The following NFAT5 variants were observed in gnomAD, a reference collection of about 807,000 sequenced individuals.
The protein encoded by NFAT5 is nuclear factor of activated T cells 5, also known as nuclear factor of activated T-cells 5.
Under a neutral mutation model 166.5 loss-of-function variants are expected in NFAT5, and 31 were observed. That is an observed-to-expected ratio of 0.19 (90% CI 0.14 to 0.25). The LOEUF (loss-of-function observed/expected upper bound fraction) is 0.25, where lower values mean the gene tolerates loss of function less well. Ranked by LOEUF, NFAT5 falls within the 10% of genes least tolerant of loss-of-function variation. The pLI is 1.00. For synonymous variants in NFAT5, 612 were observed against 639.7 expected, an observed-to-expected ratio of 0.96 and a Z score of 0.65; for missense variants, 1,449 against 1,821.8, an observed-to-expected ratio of 0.80 and a Z score of 3.72.
chr16:69,637,327 T>C (rs2035010791), intron 3 of NFAT5, among the ~76,000 whole-genome samples: 1 of 152,192 alleles, frequency 6.6e-6, no homozygotes, highest in Admixed American at 6.5e-5. Flanking sequence ...TCCAAACTGT[T>C]CCAAACTCTG....
At chr16:69,585,936 T>C (rs1241386368) in intron 2 of NFAT5, among the ~76,000 whole-genome samples, 4 of 152,176 alleles carry the variant, frequency 2.6e-5, no homozygotes, top group African/African-American at 9.7e-5. Context: ...TGAATAATGG[T>C]AATGGTTGCA....
intron 7 of NFAT5, among the ~76,000 whole-genome samples, chr16:69,663,453 A>G (rs1213232497): frequency 6.6e-6 from 1 of 151,748 alleles, no homozygotes; most frequent in Non-Finnish European, 1.5e-5. Flanking sequence ...ATTAATTTTC[A>G]GCTAGGTGCA....
In NFAT5 at chr16:69,690,935, T is replaced by A; in HGVS notation, c.1775-5T>A. On this transcript the variant is annotated splice_polypyrimidine_tract_variant and splice_region_variant and intron_variant, in intron 11 of 14. Transcript: ENST00000349945. ...ACTTTTCTTTTTGTGTGTGTGTATA[T>A]GCAGCAATGAAAACTACTGGATGTA... 6.6e-7 allele frequency: 1 copy of A among 1,526,040 alleles called. No individual in the cohort carries two copies. Among genetic ancestry groups the A allele is most frequent in the East Asian group, 2.4e-5 (1 of 41,896 alleles). The allele number at this position is 1,526,040 out of a possible 1,614,324, so 94.5% of individuals were successfully genotyped here. A position where few individuals can be genotyped will look rare whatever the true frequency, so the allele number is the denominator to read the frequency against.
chr16:69,599,655 A>G (rs529239687), intron 2 of NFAT5, among the ~76,000 whole-genome samples: 1 of 152,200 alleles, frequency 6.6e-6, no homozygotes, highest in Non-Finnish European at 1.5e-5. Flanking sequence ...TATTTTGTAG[A>G]GCATGATCAT....
At chr16:69,684,739 G>A (rs1302925047) in intron 10 of NFAT5, 148 bp from the exon 11 acceptor site, 2 of 568,884 alleles carry the variant, frequency 3.5e-6, no homozygotes, top group Non-Finnish European at 6.1e-6. Context: ...GGAGAATTTA[G>A]AGGATAGAAA....
intron 3 of NFAT5, among the ~76,000 whole-genome samples, chr16:69,644,381 A>G (rs1013893101): frequency 6.6e-6 from 1 of 152,036 alleles, no homozygotes; most frequent in African/African-American, 2.4e-5. Flanking sequence ...AAAAAGTAAT[A>G]TTTTTCTATT....
At position 69,700,689 on chromosome 16, in the gene NFAT5, C is replaced by G. The variant is rs941599097; in HGVS notation, c.*4338C>G. 2 of 152,224 alleles carry G rather than the reference C, an allele frequency of 1.3e-5. No individual in the cohort carries two copies. The highest frequency in any genetic ancestry group is 4.8e-5 in the African/African-American group (2 of 41,556). The allele number at this position is 152,224 out of a possible 1,614,324, so 9.4% of individuals were successfully genotyped here. On this transcript the variant is annotated 3_prime_UTR_variant, in exon 15 of 15. Coordinates refer to ENST00000349945, the MANE Select transcript of NFAT5 (RefSeq NM_138713.4). ...TTTTATCCCTAACCGAGACAGCTGT[C>G]TTATATCTGCATGCCTTAGACTGTG...
chr16:69,577,559 T>C (rs2016828739), intron 2 of NFAT5, among the ~76,000 whole-genome samples: 2 of 152,156 alleles, frequency 1.3e-5, no homozygotes, highest in South Asian at 2.1e-4. Context: ...ACGCACTGTA[T>C]AGACCCATTT....
At chr16:69,682,267 A>G (rs1039866197) in intron 10 of NFAT5, among the ~76,000 whole-genome samples, 3 of 151,136 alleles carry the variant, frequency 2.0e-5, no homozygotes, top group South Asian at 4.2e-4. Context: ...GGTGATTTCT[A>G]TAAGAAATGG....
chr16:69,647,492 A>G lies in NFAT5; in HGVS notation c.718A>G (p.Met240Val), dbSNP rs777713577. 1.9e-6 allele frequency: 3 copies of G among 1,612,426 alleles called. No homozygotes were observed. Among genetic ancestry groups the G allele is most frequent in the South Asian group, 1.1e-5 (1 of 91,084 alleles). The change falls in exon 4 of 15, where the codon ATG becomes GTG. Residue 240 changes from methionine to valine, a missense_variant. Met to Val is a conservative substitution (Grantham distance 21). Around this residue, in one of 7 missense-constraint regions of NFAT5, gnomAD observed 115 missense variants for 177.1 expected, o/e 0.65. Coordinates refer to ENST00000349945, the MANE Select transcript of NFAT5 (RefSeq NM_138713.4). This position sits in a 1 kb window ranked among gnomAD's most constrained non-coding sequence, Gnocchi z 4.8. Reference sequence around the variant, plus strand: ...ACGACGAGATTGTGAAGAATCTAATATGGATATATTTGATGCCGACAGTGC... The same window carrying G: ...ACGACGAGATTGTGAAGAATCTAATGTGGATATATTTGATGCCGACAGTGC... ...VKRRDCEESN[M>V]DIFDADSAKA...
intron 3 of NFAT5, among the ~76,000 whole-genome samples, chr16:69,634,942 G>A (rs1258373456): frequency 6.6e-6 from 1 of 150,822 alleles, no homozygotes; most frequent in African/African-American, 2.4e-5. Context: ...TAAAATAGCC[G>A]AACATTTTCT....
At chr16:69,572,065 G>T (rs7205551) in intron 2 of NFAT5, among the ~76,000 whole-genome samples, 5 of 151,908 alleles carry the variant, frequency 3.3e-5, no homozygotes, top group Non-Finnish European at 7.4e-5. Context: ...CCTGGCCTGC[G>T]CTTGGGTATT....
At chr16:69,588,980 CTTTTTTTTTTTTTTTTTT>C (rs945918292) in intron 2 of NFAT5, among the ~76,000 whole-genome samples, 4 of 34,368 alleles carry the variant, frequency 1.2e-4, no homozygotes, top group African/African-American at 2.6e-4. Context: ...TTTCCTACTT[CTTTTTTTTTTTTTTTTTT>C]TTTTTTTTTT....
At chr16:69,677,358 G>A in intron 10 of NFAT5, 23 bp downstream of exon 10, 1 of 1,525,328 alleles carries the variant, frequency 6.6e-7, no homozygotes, top group African/African-American at 1.4e-5. Context: ...GAAAAATTCA[G>A]AACTAAAACA....
At chr16:69,661,569 G>GAAAAAAAAAAAAAAAAAAAAAA (rs1187473064) in intron 7 of NFAT5, among the ~76,000 whole-genome samples, 2 of 92,026 alleles carry the variant, frequency 2.2e-5, no homozygotes, top group African/African-American at 8.5e-5. Flanking sequence ...AAAAAAAAAG[G>GAAAAAAAAAAAAAAAAAAAAAA]AAATTGTTCA....
chr16:69,693,683 T>G lies in NFAT5; in HGVS notation c.3858T>G (p.Ile1286Met). 6.2e-7 allele frequency: 1 copy of G among 1,614,128 alleles called. No homozygotes were observed. Among genetic ancestry groups the G allele is most frequent in the Non-Finnish European group, 8.5e-7 (1 of 1,180,026 alleles). The stretch of plus-strand genomic sequence containing the variant: ...AGCAGCAGCAACAACAACAGAGCAT[T>G]TTATTCAGTAATCAGAATACCATGG... Reference protein sequence around the residue: ...QQQQQQQQQSILFSNQNTMAT... With the variant: ...QQQQQQQQQSMLFSNQNTMAT... Residue 1286 changes from isoleucine to methionine, a missense_variant, in exon 13 of 15, where the codon ATT (isoleucine) becomes ATG (methionine). Physicochemically the swap from Ile to Met is conservative, Grantham distance 10. Transcript: ENST00000349945.
In NFAT5 at chr16:69,628,844, C is replaced by T. The variant is rs941064980; in HGVS notation, c.253+2316C>T. Among the ~76,000 whole-genome samples the T allele has an allele frequency of 5.3e-5, 8 of 152,140 alleles. No individual in the cohort carries two copies. The South Asian group carries it at 1.0e-3, about 20-fold the overall frequency. Reference sequence around the variant, plus strand: ...CACCAGCACTTTGAGAGGCCCAGGCCGGCAGATCACCTGAGGTCAGGAGTT... The same window carrying T: ...CACCAGCACTTTGAGAGGCCCAGGCTGGCAGATCACCTGAGGTCAGGAGTT... On this transcript the variant is annotated intron_variant, in intron 3 of 14. Transcript: ENST00000349945.
chr16:69,596,271 AT>A (rs976919270), intron 2 of NFAT5, among the ~76,000 whole-genome samples: 2 of 152,166 alleles, frequency 1.3e-5, no homozygotes, highest in Admixed American at 6.5e-5. Context: ...TTTGCTCATA[AT>A]TTTATAGAGC....
chr16:69,589,138 G>C (rs2032302358), intron 2 of NFAT5, among the ~76,000 whole-genome samples: 1 of 152,006 alleles, frequency 6.6e-6, no homozygotes, highest in South Asian at 2.1e-4. Flanking sequence ...GGGATTACAG[G>C]CATGTGCCAC....
Sources: allele counts gnomAD v4.1 joint callset (sites outside exome capture counted in the v4.1 genomes callset), GRCh38; gene constraint gnomAD v4.1.1; regional missense constraint gnomAD v4.1.1; non-coding constraint Gnocchi (gnomAD v3.1); transcripts MANE v1.5; gene names NCBI Gene and HGNC (gene_info 2026-07-23, HGNC 2026-07-21).